The following BRPF3 variants were observed in gnomAD, a reference collection of about 807,000 sequenced individuals.
BRPF3 encodes bromodomain and PHD finger-containing protein 3.
A neutral mutation model predicts 102.0 loss-of-function variants in BRPF3; 18 were observed. The ratio of observed to expected loss-of-function variants is 0.18; its 90% CI spans 0.12 to 0.26. The LOEUF (loss-of-function observed/expected upper bound fraction) is 0.26, where lower values mean the gene tolerates loss of function less well. Among genes scored for constraint, BRPF3 ranks in the 10% least tolerant of loss-of-function variants. BRPF3 has a pLI of 1.00. For missense variants in BRPF3, 1,147 were observed against 1,567.8 expected (o/e 0.73, Z 4.53); for synonymous variants, 570 against 614.2 (o/e 0.93, Z 1.06).
At chr6:36,198,753 C>A (rs889849942) in intron 1 of BRPF3, among the ~76,000 whole-genome samples, 1 of 152,168 alleles carries the variant, frequency 6.6e-6, no homozygotes, top group African/African-American at 2.4e-5. Flanking sequence ...CAAGTCTGCC[C>A]ACACCATGGG....
rs1489420665 is a variant in BRPF3, at chr6:36,201,760, C to A, written c.1438C>A (p.Pro480Thr). 2.5e-6 allele frequency: 4 copies of A among 1,603,134 alleles called. No individual in the cohort carries two copies. Among genetic ancestry groups the A allele is most frequent in the African/African-American group, 1.3e-5 (1 of 74,650 alleles). ...CCCCATGCTTGCTGTCCCACAGATA[C>A]CCTCTTACAGGTAAGCATGCCCAGA... ...TLPMLAVPQI[P>T]SYRLNKICSG... Residue 480 changes from proline (P) to threonine (T), a missense_variant, in exon 2 of 13, where the codon CCC becomes ACC. Pro to Thr is a conservative substitution (Grantham distance 38). This residue lies in a region of BRPF3 where 157 missense variants were observed against 163.6 expected (regional missense o/e 0.96). Transcript: ENST00000357641. The surrounding 1 kb of genome is among the most constrained non-coding windows in gnomAD (Gnocchi z 5.1).
At chr6:36,203,232 C>T (rs1407130866) in intron 2 of BRPF3, among the ~76,000 whole-genome samples, 1 of 152,138 alleles carries the variant, frequency 6.6e-6, no homozygotes, top group Non-Finnish European at 1.5e-5. Context: ...GACTTAGTAC[C>T]TTTGTGACTT....
chr6:36,205,044 G>A (rs2127278968), intron 3 of BRPF3, among the ~76,000 whole-genome samples: 1 of 152,328 alleles, frequency 6.6e-6, no homozygotes, highest in South Asian at 2.1e-4. Flanking sequence ...AGAGTGGAGA[G>A]CATGCGTAGC....
Position 36,214,350 on chromosome 6 carries a change from G to A in BRPF3, c.2953G>A (p.Glu985Lys), listed in dbSNP as rs769975719. 52 of 1,605,952 alleles carry A rather than the reference G, an allele frequency of 3.2e-5. No homozygotes were observed. The South Asian group carries it at 5.0e-4, about 15-fold the overall frequency. ...AAGGAGCAGGAGCTGTAGTGAGAGC[G>A]AAGGGGAGAGGTCCCCCCAGCAGGA... Reference protein sequence around the residue: ...RPRSRSCSESEGERSPQQEEE... With the variant: ...RPRSRSCSESKGERSPQQEEE... The change falls in exon 8 of 13, where the codon GAA (glutamate) becomes AAA (lysine). Residue 985 changes from glutamate to lysine, a missense_variant. Coordinates refer to ENST00000357641, the MANE Select transcript of BRPF3 (RefSeq NM_015695.3).
In BRPF3 at chr6:36,214,343, T is replaced by G; in HGVS notation, c.2946T>G (p.Ser982Arg). 6.2e-7 allele frequency: 1 copy of G among 1,610,586 alleles called. No homozygotes were observed. The highest frequency in any genetic ancestry group is 2.2e-5 in the East Asian group (1 of 44,854). Residue 982 changes from serine (S) to arginine (R), a missense_variant, in exon 8 of 13, where the codon AGT (serine) becomes AGG (arginine). Coordinates refer to ENST00000357641, the MANE Select transcript of BRPF3 (RefSeq NM_015695.3). The stretch of plus-strand genomic sequence containing the variant: ...AGCGGCCAAGGAGCAGGAGCTGTAG[T>G]GAGAGCGAAGGGGAGAGGTCCCCCC... ...SRKRPRSRSC[S>R]ESEGERSPQQ...
At chr6:36,211,090 C>T in intron 6 of BRPF3, 168 bp from the exon 7 acceptor site, 1 of 731,510 alleles carries the variant, frequency 1.4e-6, no homozygotes, top group East Asian at 2.6e-5. Flanking sequence ...CCTGTGGCTG[C>T]CTTCTGGGCA....
intron 8 of BRPF3, among the ~76,000 whole-genome samples, chr6:36,216,132 A>G (rs1768321089): frequency 6.6e-6 from 1 of 152,136 alleles, no homozygotes; most frequent in Admixed American, 6.5e-5. Context: ...ACGACAGGAA[A>G]ATTAATTAAC....
intron 11 of BRPF3, among the ~76,000 whole-genome samples, chr6:36,226,457 T>C (rs188183917): frequency 6.6e-6 from 1 of 152,334 alleles, no homozygotes; most frequent in East Asian, 1.9e-4. Context: ...GAATAATCTG[T>C]GGAAATTTTT....
At chr6:36,197,851 C>G (rs1767560730) in intron 1 of BRPF3, among the ~76,000 whole-genome samples, 1 of 152,086 alleles carries the variant, frequency 6.6e-6, no homozygotes, top group Non-Finnish European at 1.5e-5. Context: ...GTGGGTGGGA[C>G]AAAACACGTC....
chr6:36,205,935 T>G (rs1337689552), intron 3 of BRPF3, among the ~76,000 whole-genome samples: 2 of 152,226 alleles, frequency 1.3e-5, no homozygotes, highest in Non-Finnish European at 2.9e-5. Flanking sequence ...TTCCTCTCAG[T>G]AAACTTATTT....
rs751151710 is a variant in BRPF3, at chr6:36,214,219, A to G, written c.2822A>G (p.Gln941Arg). 6 of 1,614,186 alleles carry G rather than the reference A, an allele frequency of 3.7e-6. No homozygotes were observed. In the Admixed American group the frequency reaches 6.7e-5, roughly 18 times the overall value. Residue 941 changes from glutamine to arginine, a missense_variant, in exon 8 of 13, where the codon CAG (glutamine) becomes CGG (arginine). Physicochemically the swap from Gln to Arg is conservative, Grantham distance 43. Transcript: ENST00000357641. ...FKKAKNGVKL[Q>R]RSPDRVLENG... ...AAGGCCAAGAATGGGGTTAAGCTAC[A>G]GAGAAGCCCAGACAGGGTCCTGGAG...
intron 9 of BRPF3, among the ~76,000 whole-genome samples, chr6:36,221,123 G>T (rs564536031): frequency 6.6e-6 from 1 of 152,248 alleles, no homozygotes; most frequent in East Asian, 1.9e-4. Flanking sequence ...CATTAGAATT[G>T]TATGGGGAAC....
At position 36,217,909 on chromosome 6, in the gene BRPF3, CTT is replaced by C; in HGVS notation, c.2990-7_2990-6del. ...TGCACTCAGACTCACTGTGTGTGTC[CTT>C]GGCAGGCATGACCAACGGCTTTGGA... On this transcript the variant is annotated splice_polypyrimidine_tract_variant and splice_region_variant and intron_variant, in intron 8 of 12. Coordinates refer to ENST00000357641, the MANE Select transcript of BRPF3 (RefSeq NM_015695.3). 6.2e-7 allele frequency: 1 copy of C among 1,612,498 alleles called. No individual in the cohort carries two copies. Among genetic ancestry groups the C allele is most frequent in the Non-Finnish European group, 8.5e-7 (1 of 1,179,128 alleles).
chr6:36,229,908 A>G (rs765320735), intron 12 of BRPF3, among the ~76,000 whole-genome samples: 2 of 152,220 alleles, frequency 1.3e-5, no homozygotes. Context: ...CAGAACTAAG[A>G]TACAAAACAA....
At position 36,232,474 on chromosome 6, in the gene BRPF3, A is replaced by G. The variant is rs1263844160; in HGVS notation, c.*1865A>G. ...TCTTAGTCTCTCTCTTTATTTTTCA[A>G]TCTCTGAATATTTTAGTCTCTCTCT... On this transcript the variant is annotated 3_prime_UTR_variant, in exon 13 of 13. Transcript: ENST00000357641. 6.6e-6 allele frequency: 1 copy of G among 152,306 alleles called. No homozygotes were observed. The highest frequency in any genetic ancestry group is 1.5e-5 in the Non-Finnish European group (1 of 67,978). 9.4% of individuals were successfully genotyped at this position (152,306 alleles called of 1,614,324 possible). A position where few individuals can be genotyped will look rare whatever the true frequency, so the allele number is the denominator to read the frequency against.
chr6:36,222,129 A>ATTGC (rs767873357), intron 9 of BRPF3, 39 bp from the exon 10 acceptor site: 45 of 1,543,612 alleles, frequency 2.9e-5, no homozygotes, highest in Non-Finnish European at 3.8e-5. Context: ...AGTCATTGAA[A>ATTGC]TTGCTCATTT....
At chr6:36,221,331 G>A (rs1768534215) in intron 9 of BRPF3, among the ~76,000 whole-genome samples, 1 of 144,016 alleles carries the variant, frequency 6.9e-6, no homozygotes, top group Admixed American at 7.1e-5. Flanking sequence ...TCTGTCGCCA[G>A]GCTGGAGTGC....
rs1768047607 is a variant in BRPF3, at chr6:36,210,084, C to A, written c.1867-132C>A. 1 of 1,410,036 alleles carries A rather than the reference C, an allele frequency of 7.1e-7. No homozygotes were observed. The allele number at this position is 1,410,036 out of a possible 1,614,324, so 87.3% of individuals were successfully genotyped here. ...TGAGGGGTCAGCAGGCCAGGGTGGGCCAGGACTGTAGGTCTTTGAGTTAGC... is the reference window on the plus strand; with the variant it reads ...TGAGGGGTCAGCAGGCCAGGGTGGGACAGGACTGTAGGTCTTTGAGTTAGC... On this transcript the variant is annotated intron_variant, in intron 5 of 12. Coordinates refer to ENST00000357641, the MANE Select transcript of BRPF3 (RefSeq NM_015695.3). The surrounding 1 kb of genome is among the most constrained non-coding windows in gnomAD (Gnocchi z 4.7).
intron 1 of BRPF3, among the ~76,000 whole-genome samples, chr6:36,199,696 C>A (rs1009281281): frequency 6.6e-6 from 1 of 152,164 alleles, no homozygotes; most frequent in African/African-American, 2.4e-5. Flanking sequence ...TAGCTGTCGC[C>A]CAGCTTTATG....
Sources: allele counts gnomAD v4.1 joint callset (sites outside exome capture counted in the v4.1 genomes callset), GRCh38; gene constraint gnomAD v4.1.1; regional missense constraint gnomAD v4.1.1; non-coding constraint Gnocchi (gnomAD v3.1); transcripts MANE v1.5; gene names NCBI Gene and HGNC (gene_info 2026-07-23, HGNC 2026-07-21).